ZNF268: variants seen among roughly 807,000 people sequenced by gnomAD.
The protein encoded by ZNF268 is zinc finger protein 3.
A neutral mutation model predicts 29.3 loss-of-function variants in ZNF268; 20 were observed. The ratio of observed to expected loss-of-function variants is 0.68; its 90% CI spans 0.48 to 0.99. ZNF268 has a LOEUF of 0.99. ZNF268 is among the 50% of genes least tolerant of loss of function. ZNF268 has a pLI of 0.00. For missense variants in ZNF268, 1,240 were observed against 1,121.6 expected (o/e 1.11, Z -1.51); for synonymous variants, 429 against 376.9 (o/e 1.14, Z -1.60).
Position 133,202,984 on chromosome 12 carries a change from T to A in ZNF268, c.1298T>A (p.Val433Glu), listed in dbSNP as rs531460239. 1.6e-5 allele frequency: 25 copies of A among 1,549,086 alleles called. No individual in the cohort carries two copies. The South Asian group carries it at 2.9e-4, about 18-fold the overall frequency. ...KAFNTKSNLM[V>E]HQRTHTGEKP... The stretch of plus-strand genomic sequence containing the variant: ...TTTAATACAAAGTCAAACCTTATGG[T>A]ACATCAGAGAACCCATACAGGGGAG... Residue 433 changes from valine (V) to glutamate (E), a missense_variant, in exon 6 of 6, where the codon GTA becomes GAA. Physicochemically the swap from Val to Glu is moderately radical, Grantham distance 121. Around this residue, in one of 3 missense-constraint regions of ZNF268, gnomAD observed 1,177 missense variants for 1,039.6 expected, o/e 1.13. Coordinates refer to ENST00000536435, the MANE Select transcript of ZNF268 (RefSeq NM_003415.3).
At position 133,202,168 on chromosome 12, in the gene ZNF268, T is replaced by C; in HGVS notation, c.482T>C (p.Leu161Pro). Residue 161 changes from leucine (L) to proline (P), a missense_variant, in exon 6 of 6, where the codon CTT (leucine) becomes CCT (proline). By Grantham distance (98) the Leu-to-Pro change is moderately conservative (BLOSUM62 -3). Transcript: ENST00000536435. ...GACACAGTCTGGAAAATTGATGATC[T>C]TATGGATTGGCATCAGGAAAATAAA... ...CPNTVWKIDD[L>P]MDWHQENKDK... 1 of 1,594,300 alleles carries C rather than the reference T, an allele frequency of 6.3e-7. No individual in the cohort carries two copies. The highest frequency in any genetic ancestry group is 2.2e-5 in the East Asian group (1 of 44,648).
chr12:133,188,865 T>C (rs1455474516), intron 3 of ZNF268, among the ~76,000 whole-genome samples: 1 of 152,198 alleles, frequency 6.6e-6, no homozygotes, highest in Admixed American at 6.5e-5. Context: ...AGTCTCTTAA[T>C]GCTTACTTTT....
chr12:133,199,792 C>T (rs1212356837), intron 5 of ZNF268, among the ~76,000 whole-genome samples: 1 of 152,130 alleles, frequency 6.6e-6, no homozygotes, highest in Non-Finnish European at 1.5e-5. Context: ...GGAATTTATC[C>T]ATTTCTTTAG....
intron 2 of ZNF268, among the ~76,000 whole-genome samples, chr12:133,185,245 G>A (rs1266046271): frequency 1.3e-5 from 2 of 151,894 alleles, no homozygotes; most frequent in Non-Finnish European, 2.9e-5. Flanking sequence ...CTCAGGGAAG[G>A]CCCCCACTGA....
At position 133,203,257 on chromosome 12, in the gene ZNF268, G is replaced by A. The variant is rs1414833361; in HGVS notation, c.1571G>A (p.Gly524Glu). 6.5e-7 allele frequency: 1 copy of A among 1,538,270 alleles called. No individual in the cohort carries two copies. Among genetic ancestry groups the A allele is most frequent in the East Asian group, 2.4e-5 (1 of 40,892 alleles). Residue 524 changes from glycine (G) to glutamate (E), a missense_variant, in exon 6 of 6, where the codon GGA becomes GAA. Around this residue, in one of 3 missense-constraint regions of ZNF268, gnomAD observed 1,177 missense variants for 1,039.6 expected, o/e 1.13. Transcript: ENST00000536435. ...YLIIHTRTHT[G>E]EKLHECNNCG... Reference sequence around the variant, plus strand: ...ATTATACATACAAGGACTCATACAGGAGAAAAACTCCATGAATGCAACAAT... The same window carrying A: ...ATTATACATACAAGGACTCATACAGAAGAAAAACTCCATGAATGCAACAAT...
chr12:133,193,884 A>G (rs539470023), intron 5 of ZNF268, among the ~76,000 whole-genome samples: 1 of 151,976 alleles, frequency 6.6e-6, no homozygotes, highest in Admixed American at 6.5e-5. Context: ...CCACCTACAT[A>G]CCACCTTCTT....
rs180736651 is a variant in ZNF268 at position 133,191,624 on chromosome 12, T to A, written c.361+9T>A. 10 of 1,613,632 alleles carry A rather than the reference T, an allele frequency of 6.2e-6. No individual in the cohort carries two copies. The African/African-American group carries it at 1.3e-4, about 22-fold the overall frequency. ...CAACCTGGTGTCCCTAGGTAAGTGCTGCCTCCCTGAGGAGGAGTGTGCTCG... is the reference window on the plus strand; with the variant it reads ...CAACCTGGTGTCCCTAGGTAAGTGCAGCCTCCCTGAGGAGGAGTGTGCTCG... On this transcript the variant is annotated intron_variant, in intron 4 of 5. Coordinates refer to ENST00000536435, the MANE Select transcript of ZNF268 (RefSeq NM_003415.3).
In ZNF268 at chr12:133,211,028, T is replaced by TA. The variant is rs1473768041; in HGVS notation, c.*6499dup. 4.2e-5 allele frequency: 19 copies of TA among 455,974 alleles called. No homozygotes were observed. The highest frequency in any genetic ancestry group is 2.5e-4 in the South Asian group (16 of 64,556). 28.2% of individuals were successfully genotyped at this position (455,974 alleles called of 1,614,324 possible). On this transcript the variant is annotated 3_prime_UTR_variant, in exon 6 of 6. Transcript: ENST00000536435. ...ATAATTTTGGAAAACGAAACTGAAA[T>TA]AGAGTCCATCATTCCATGCCTTAAT...
At chr12:133,196,435 T>G (rs1353303695) in intron 5 of ZNF268, among the ~76,000 whole-genome samples, 1 of 152,096 alleles carries the variant, frequency 6.6e-6, no homozygotes, top group Non-Finnish European at 1.5e-5. Context: ...TTTTTGCCAT[T>G]ATTGTTACAA....
intron 5 of ZNF268, among the ~76,000 whole-genome samples, chr12:133,194,638 G>A (rs562954105): frequency 1.1e-4 from 17 of 152,312 alleles, no homozygotes; most frequent in African/African-American, 4.1e-4. Context: ...TCTGGAAAGG[G>A]AAATGGGGCT....
In ZNF268 at chr12:133,210,642, C is replaced by G. The variant is rs1956963760; in HGVS notation, c.*6112C>G. The G allele has an allele frequency of 1.1e-5, 4 of 351,772 alleles. No individual in the cohort carries two copies. The Admixed American group carries it at 1.5e-4, about 13-fold the overall frequency. 21.8% of individuals were successfully genotyped at this position (351,772 alleles called of 1,614,324 possible). A position where few individuals can be genotyped will look rare whatever the true frequency, so the allele number is the denominator to read the frequency against. On this transcript the variant is annotated 3_prime_UTR_variant, in exon 6 of 6. Coordinates refer to ENST00000536435, the MANE Select transcript of ZNF268 (RefSeq NM_003415.3). ...ATTCTGGTCATCACTGTGAAGTGCC[C>G]TCGGGGGTCTCCGGGTCCTGAGTAG... is the stretch of plus-strand genomic sequence containing the variant.
At position 133,203,386 on chromosome 12, in the gene ZNF268, G is replaced by T; in HGVS notation, c.1700G>T (p.Arg567Leu). The T allele has an allele frequency of 1.3e-6, 2 of 1,547,396 alleles. No homozygotes were observed. The highest frequency in any genetic ancestry group is 8.7e-7 in the Non-Finnish European group (1 of 1,150,922). Residue 567 changes from arginine (R) to leucine (L), a missense_variant, in exon 6 of 6, where the codon CGG becomes CTG. This residue lies in a region of ZNF268 where 1,177 missense variants were observed against 1,039.6 expected (regional missense o/e 1.13). Transcript: ENST00000536435. The stretch of plus-strand genomic sequence containing the variant: ...CATGAATGTGGGAAAGCCTTCAGTC[G>T]GAAATACCAGCTTATTTCACACCAG... ...ECHECGKAFS[R>L]KYQLISHQRT...
intron 3 of ZNF268, among the ~76,000 whole-genome samples, chr12:133,189,942 G>A (rs1956423126): frequency 6.6e-6 from 1 of 152,168 alleles, no homozygotes; most frequent in Non-Finnish European, 1.5e-5. Context: ...TGAGCAGCTA[G>A]GACTACAGGC....
At chr12:133,192,684 T>A (rs1293316309) in intron 5 of ZNF268, among the ~76,000 whole-genome samples, 1 of 152,144 alleles carries the variant, frequency 6.6e-6, no homozygotes, top group African/African-American at 2.4e-5. Flanking sequence ...GGATTTTTTT[T>A]TTTGAGACGG....
chr12:133,198,125 A>T (rs1385445926), intron 5 of ZNF268, among the ~76,000 whole-genome samples: 1 of 150,648 alleles, frequency 6.6e-6, no homozygotes, highest in East Asian at 1.9e-4. Context: ...TATGTCCTGA[A>T]TGGTAATGCC....
At chr12:133,193,955 T>G (rs1016935239) in intron 5 of ZNF268, among the ~76,000 whole-genome samples, 2 of 152,172 alleles carry the variant, frequency 1.3e-5, no homozygotes, top group Non-Finnish European at 2.9e-5. Flanking sequence ...TTCCTAACAC[T>G]GGGGAAGTCA....
Position 133,202,358 on chromosome 12 carries a change from T to A in ZNF268, c.672T>A (p.Pro224=), listed in dbSNP as rs935973981. ...DFTSDYARNN[P]NGFQVHGKSF... ...CTAGTGATTATGCTAGAAATAATCC[T>A]AATGGGTTTCAGGTACATGGAAAAT... The change falls in exon 6 of 6, where the codon CCT becomes CCA. Residue 224 remains proline, a synonymous_variant. Transcript: ENST00000536435. The A allele has an allele frequency of 4.3e-6, 7 of 1,611,290 alleles. No homozygotes were observed. Among genetic ancestry groups the A allele is most frequent in the Non-Finnish European group, 5.9e-6 (7 of 1,178,622 alleles).
rs375397031 is a variant in ZNF268 at position 133,212,506 on chromosome 12, T to G, written c.*7976T>G. On this transcript the variant is annotated 3_prime_UTR_variant, in exon 6 of 6. Coordinates refer to ENST00000536435, the MANE Select transcript of ZNF268 (RefSeq NM_003415.3). ...ATATATATATATATATATGTATATA[T>G]ACACACACACATACACACATATATA... is the stretch of plus-strand genomic sequence containing the variant. 1 of 41,946 alleles carries G rather than the reference T, an allele frequency of 2.4e-5. No individual in the cohort carries two copies. 2.6% of individuals were successfully genotyped at this position (41,946 alleles called of 1,614,324 possible). A position where few individuals can be genotyped will look rare whatever the true frequency, so the allele number is the denominator to read the frequency against.
At chr12:133,185,517 G>GGGAGT (rs1188992222) in intron 2 of ZNF268, among the ~76,000 whole-genome samples, 6 of 139,082 alleles carry the variant, frequency 4.3e-5, no homozygotes, top group Non-Finnish European at 8.0e-5. Context: ...GGCCAGATCA[G>GGGAGT]GTAACCTGGA....
Sources: allele counts gnomAD v4.1 joint callset (sites outside exome capture counted in the v4.1 genomes callset), GRCh38; gene constraint gnomAD v4.1.1; regional missense constraint gnomAD v4.1.1; transcripts MANE v1.5; gene names NCBI Gene and HGNC (gene_info 2026-07-23, HGNC 2026-07-21).